The following FAM98C variants were observed in gnomAD, a reference collection of about 807,000 sequenced individuals.
FAM98C encodes the protein protein FAM98C.
A neutral mutation model predicts 41.1 loss-of-function variants in FAM98C; 38 were observed. The observed-to-expected ratio is 0.92, with a 90% CI of 0.71 to 1.21. The LOEUF is 1.21. Ranked by LOEUF, FAM98C falls within the 50% of genes most tolerant of loss-of-function variation. The probability of loss-of-function intolerance (pLI) is 0.00; values close to 1 mark genes in which losing one functional copy is unlikely to be tolerated. For synonymous variants in FAM98C, 195 were observed against 216.7 expected, an observed-to-expected ratio of 0.90 and a Z score of 0.88; for missense variants, 493 against 484.7, an observed-to-expected ratio of 1.02 and a Z score of -0.16.
intron 1 of FAM98C, 28 bp from the exon 2 acceptor site, chr19:38,403,310 C>T (rs3745960): frequency 2.0e-6 from 3 of 1,492,052 alleles, no homozygotes; most frequent in East Asian, 5.5e-5. Context: ...GACATCCCCG[C>T]CCCCTCCCGC....
At position 38,407,062 on chromosome 19, in the gene FAM98C, C is replaced by T. The variant is rs1893740418; in HGVS notation, c.903C>T (p.Cys301=). ...GCGTGGCTGTCCGCAGAGGGACCTG[C>T]TGTGCCATCAACAAGGTGGGCATCT... is the stretch of plus-strand genomic sequence containing the variant. ...ATSVAVRRGT[C]CAINKVLMGN... is the part of the protein sequence containing the mutation. The change falls in exon 7 of 8, where the codon TGC becomes TGT. Residue 301 remains cysteine, a synonymous_variant. Transcript: ENST00000252530. 5 of 1,613,666 alleles carry T rather than the reference C, an allele frequency of 3.1e-6. No individual in the cohort carries two copies. The highest frequency in any genetic ancestry group is 1.1e-5 in the South Asian group (1 of 91,092).
At chr19:38,403,308 C>T in intron 1 of FAM98C, 30 bp from the exon 2 acceptor site, 7 of 1,492,226 alleles carry the variant, frequency 4.7e-6, no homozygotes, top group Non-Finnish European at 5.3e-6. Flanking sequence ...GTGACATCCC[C>T]GCCCCCTCCC....
At chr19:38,407,495 C>T (rs187342268) in intron 7 of FAM98C, 22 of 173,404 alleles carry the variant, frequency 1.3e-4, no homozygotes, top group Admixed American at 2.8e-4. Flanking sequence ...CTCAGCCTAC[C>T]GAGTAGCTAG....
Position 38,408,861 on chromosome 19 carries a change from CAAGAAG to C in FAM98C, c.1042_1047del (p.Lys348_Lys349del), listed in dbSNP as rs59917662. On this transcript the variant is annotated inframe_deletion, in exon 8 of 8. Transcript: ENST00000252530. ...ATGGAGGCCCCCAGTGTTGGGGTCG[CAAGAAG>C]AAGAAGAAGAAGTAAAGGGGGACTG... 2.5e-5 allele frequency: 39 copies of C among 1,555,476 alleles called. No individual in the cohort carries two copies. Among genetic ancestry groups the C allele is most frequent in the African/African-American group, 8.4e-5 (6 of 71,044 alleles).
rs1380898610 is a variant in FAM98C, at chr19:38,403,469, T to A, written c.197T>A (p.Val66Glu). ...CAGCAGCGAGAGGCGGGCGCGGAGG[T>A]GCTGAGCGCCGGCGACGGTAAACAC... ...LEQQREAGAE[V>E]LSAGDGPGAE... Residue 66 changes from valine to glutamate, a missense_variant, in exon 2 of 8, where the codon GTG (valine) becomes GAG (glutamate). By Grantham distance (121) the Val-to-Glu change is moderately radical. Coordinates refer to ENST00000252530, the MANE Select transcript of FAM98C (RefSeq NM_174905.4). The A allele has an allele frequency of 2.1e-6, 3 of 1,404,472 alleles. No individual in the cohort carries two copies. In the African/African-American group the frequency reaches 4.6e-5, roughly 21 times the overall value. The allele number at this position is 1,404,472 out of a possible 1,614,324, so 87.0% of individuals were successfully genotyped here.
chr19:38,408,714 T>C, intron 7 of FAM98C, 37 bp from the exon 8 acceptor site: 1 of 1,613,562 alleles, frequency 6.2e-7, no homozygotes, highest in Non-Finnish European at 8.5e-7. Context: ...TCCAAGATAC[T>C]TTTTTTCTCT....
chr19:38,407,170 C>A, intron 7 of FAM98C, 93 bp downstream of exon 7: 1 of 1,434,358 alleles, frequency 7.0e-7, no homozygotes, highest in Non-Finnish European at 9.6e-7. Flanking sequence ...GACTTACCAC[C>A]TCTAATCCAC....
intron 4 of FAM98C, 55 bp downstream of exon 4, chr19:38,405,168 T>TG: frequency 6.4e-7 from 1 of 1,562,666 alleles, no homozygotes; most frequent in Non-Finnish European, 8.7e-7. Context: ...CTTGTGGGGG[T>TG]GGGGGTCCTC....
intron 6 of FAM98C, chr19:38,406,014 G>A (rs552818580): frequency 1.4e-4 from 28 of 201,464 alleles, no homozygotes; most frequent in African/African-American, 6.6e-4. Context: ...ATGCCACCAT[G>A]CCCAGCTAAT....
Position 38,403,188 on chromosome 19 carries a change from C to A in FAM98C, c.35C>A (p.Ala12Asp). 1 of 1,537,908 alleles carries A rather than the reference C, an allele frequency of 6.5e-7. No homozygotes were observed. Among genetic ancestry groups the A allele is most frequent in the Non-Finnish European group, 8.7e-7 (1 of 1,153,488 alleles). Residue 12 changes from alanine (A) to aspartate (D), a missense_variant, in exon 1 of 8, where the codon GCC becomes GAC. Coordinates refer to ENST00000252530, the MANE Select transcript of FAM98C (RefSeq NM_174905.4). ...EAVKAEAWEG[A>D]AVAQDLLALG... ...GTGAAGGCGGAAGCGTGGGAGGGGG[C>A]CGCGGTGGCCCAGGACCTGCTGGCT...
At chr19:38,403,510 CA>C in intron 2 of FAM98C, 24 bp downstream of exon 2, 1 of 1,420,806 alleles carries the variant, frequency 7.0e-7, no homozygotes, top group Non-Finnish European at 9.1e-7. Context: ...GGGAGGGTGG[CA>C]GGGGGGCCGC....
chr19:38,408,744 C>T lies in FAM98C; in HGVS notation c.919-7C>T. ...TTCTCTGCAACTCAAATCTCATAAA[C>T]TCTCAGGTGCTTATGGGCAACGTTC... On this transcript the variant is annotated splice_region_variant and splice_polypyrimidine_tract_variant and intron_variant, in intron 7 of 7. Transcript: ENST00000252530. 1 of 1,614,100 alleles carries T rather than the reference C, an allele frequency of 6.2e-7. No homozygotes were observed. The highest frequency in any genetic ancestry group is 8.5e-7 in the Non-Finnish European group (1 of 1,180,008).
chr19:38,405,259 A>C, intron 4 of FAM98C, 85 bp from the exon 5 acceptor site: 3 of 1,529,706 alleles, frequency 2.0e-6, no homozygotes, highest in Non-Finnish European at 2.7e-6. Flanking sequence ...TCTGTGGCCT[A>C]GGTCCTCAGG....
At position 38,408,898 on chromosome 19, in the gene FAM98C, C is replaced by CG; in HGVS notation, c.*21dup. On this transcript the variant is annotated 3_prime_UTR_variant, in exon 8 of 8. Transcript: ENST00000252530. Reference sequence around the variant, plus strand: ...GAAGAAGTAAAGGGGGACTGGTGGTCGGGGGCGGGGGGTCCTCCATGAGAT... The same window carrying CG: ...GAAGAAGTAAAGGGGGACTGGTGGTCGGGGGGCGGGGGGTCCTCCATGAGAT... 6.5e-7 allele frequency: 1 copy of CG among 1,530,814 alleles called. No homozygotes were observed. The highest frequency in any genetic ancestry group is 8.8e-7 in the Non-Finnish European group (1 of 1,140,454). 94.8% of individuals were successfully genotyped at this position (1,530,814 alleles called of 1,614,324 possible). A position where few individuals can be genotyped will look rare whatever the true frequency, so the allele number is the denominator to read the frequency against.
rs182108836 is a variant in FAM98C, at chr19:38,408,755, T to C, written c.923T>C (p.Leu308Pro). The change falls in exon 8 of 8, where the codon CTT becomes CCT. Residue 308 changes from leucine (L) to proline (P), a missense_variant. Coordinates refer to ENST00000252530, the MANE Select transcript of FAM98C (RefSeq NM_174905.4). ...TCAAATCTCATAAACTCTCAGGTGCTTATGGGCAACGTTCCAGACCGGGGG... is the reference window on the plus strand; with the variant it reads ...TCAAATCTCATAAACTCTCAGGTGCCTATGGGCAACGTTCCAGACCGGGGG... The part of the protein sequence containing the change: ...RGTCCAINKV[L>P]MGNVPDRGGR... 102 of 1,614,108 alleles carry C rather than the reference T, an allele frequency of 6.3e-5. No individual in the cohort carries two copies. The African/African-American group carries it at 1.2e-3, about 18-fold the overall frequency.
Position 38,403,224 on chromosome 19 carries a change from AGGGTGTGC to A in FAM98C, c.65+9_65+16del. 6.4e-7 allele frequency: 1 copy of A among 1,558,662 alleles called. No homozygotes were observed. The highest frequency in any genetic ancestry group is 1.2e-5 in the South Asian group (1 of 85,020). ...CAGGACCTGCTGGCTCTGGGGTAAAAGGGTGTGCGGTGAGGCTGGTGGGTGCAGGAAGG... is the reference window on the plus strand; with the variant it reads ...CAGGACCTGCTGGCTCTGGGGTAAAAGGTGAGGCTGGTGGGTGCAGGAAGG... On this transcript the variant is annotated splice_region_variant and intron_variant, in intron 1 of 7. Coordinates refer to ENST00000252530, the MANE Select transcript of FAM98C (RefSeq NM_174905.4).
At chr19:38,407,235 T>C (rs2145177614) in intron 7 of FAM98C, 158 bp downstream of exon 7, 1 of 767,538 alleles carries the variant, frequency 1.3e-6, no homozygotes, top group Admixed American at 2.8e-5. Flanking sequence ...GACTGTGGAC[T>C]CCCCAGCTCA....
chr19:38,405,223 C>T, intron 4 of FAM98C, 110 bp downstream of exon 4: 1 of 1,501,550 alleles, frequency 6.7e-7, no homozygotes, highest in South Asian at 1.2e-5. Flanking sequence ...CCTGTTTTTT[C>T]TGGAGCTGTG....
intron 4 of FAM98C, 81 bp downstream of exon 4, chr19:38,405,194 G>A (rs1971021654): frequency 6.5e-7 from 1 of 1,533,484 alleles, no homozygotes; most frequent in Middle Eastern, 2.4e-4. Context: ...ACTTCTGGAA[G>A]GAGTATTCCA....
Sources: allele counts gnomAD v4.1 joint callset, GRCh38; gene constraint gnomAD v4.1.1; transcripts MANE v1.5; gene names NCBI Gene and HGNC (gene_info 2026-07-23, HGNC 2026-07-21).